CAP2: variants seen among roughly 807,000 people sequenced by gnomAD.
CAP2 encodes cyclase associated actin cytoskeleton regulatory protein 2.
A neutral mutation model predicts 57.7 loss-of-function variants in CAP2; 24 were observed. The ratio of observed to expected loss-of-function variants is 0.42; its 90% CI spans 0.30 to 0.58. The LOEUF (loss-of-function observed/expected upper bound fraction) is 0.58. Ranked by LOEUF, CAP2 falls within the 20% of genes least tolerant of loss-of-function variation. The pLI, the probability that CAP2 is intolerant of heterozygous loss-of-function variation, is 0.22. For synonymous variants in CAP2, 194 were observed against 207.2 expected (o/e 0.94, Z 0.55); for missense variants, 501 against 590.3 (o/e 0.85, Z 1.57).
At chr6:17,550,074 G>A (rs917849304) in intron 11 of CAP2, among the ~76,000 whole-genome samples, 2 of 152,098 alleles carry the variant, frequency 1.3e-5, no homozygotes, top group Admixed American at 1.3e-4. Context: ...TCGTATAGCA[G>A]CTAAAATGAA....
intron 1 of CAP2, among the ~76,000 whole-genome samples, chr6:17,412,514 C>A (rs1043019440): frequency 6.6e-6 from 1 of 152,146 alleles, no homozygotes; most frequent in African/African-American, 2.4e-5. Flanking sequence ...AATTAAGATT[C>A]TCTAATCCCC....
rs189151595 is a variant in CAP2, at chr6:17,422,735, T to C, written c.121+1059T>C. Among the ~76,000 whole-genome samples, 219 of 152,310 alleles carry C rather than the reference T, an allele frequency of 1.4e-3. 1 individual carries two copies. The highest frequency in any genetic ancestry group is 4.9e-3 in the African/African-American group (205 of 41,568). ...TCATCAAAAATAAAAAGTTGGCTAC[T>C]TCCCAAAAAGGGTACCACATATGGC... On this transcript the variant is annotated intron_variant, in intron 2 of 12. Transcript: ENST00000229922.
intron 1 of CAP2, among the ~76,000 whole-genome samples, chr6:17,420,558 G>A (rs1356651522): frequency 6.6e-6 from 1 of 152,150 alleles, no homozygotes; most frequent in African/African-American, 2.4e-5. Flanking sequence ...TTATCGGTAG[G>A]TTTAGTCTCC....
chr6:17,552,629 CACAAACAA>C (rs903206823), intron 12 of CAP2, among the ~76,000 whole-genome samples: 12 of 152,238 alleles, frequency 7.9e-5, no homozygotes, highest in African/African-American at 2.9e-4. Flanking sequence ...GAGACTCAGT[CACAAACAA>C]ACAAACAAAC....
In CAP2 at chr6:17,462,338, G is replaced by A. The variant is rs555876979; in HGVS notation, c.223-658G>A. ...GAATGTGGGCACAGTGTGAAAGAGG[G>A]TAAGAGAGAGACAGGCTTTGAAAAC... On this transcript the variant is annotated intron_variant, in intron 3 of 12. Coordinates refer to ENST00000229922, the MANE Select transcript of CAP2 (RefSeq NM_006366.3). 3.3e-5 allele frequency among the ~76,000 whole-genome samples: 5 copies of A among 152,300 alleles called. No homozygotes were observed. The South Asian group carries it at 1.0e-3, about 32-fold the overall frequency.
At chr6:17,404,763 T>C (rs1581488976) in intron 1 of CAP2, among the ~76,000 whole-genome samples, 2 of 128,682 alleles carry the variant, frequency 1.6e-5, no homozygotes, top group East Asian at 4.6e-4. Flanking sequence ...AGTGTGAGAC[T>C]CCATCTCAAA....
At chr6:17,417,673 A>T (rs1437112359) in intron 1 of CAP2, among the ~76,000 whole-genome samples, 1 of 152,134 alleles carries the variant, frequency 6.6e-6, no homozygotes, top group Non-Finnish European at 1.5e-5. Context: ...GTTTGTGTAT[A>T]TCCTTTGACC....
At chr6:17,412,386 A>T (rs995106013) in intron 1 of CAP2, among the ~76,000 whole-genome samples, 1 of 152,204 alleles carries the variant, frequency 6.6e-6, no homozygotes, top group Non-Finnish European at 1.5e-5. Flanking sequence ...GGAAGAAGGA[A>T]TGAGTTCGTA....
intron 12 of CAP2, among the ~76,000 whole-genome samples, chr6:17,553,709 A>G (rs1763226679): frequency 6.6e-6 from 1 of 151,470 alleles, no homozygotes; most frequent in Admixed American, 6.6e-5. Context: ...TCTCGGTTGG[A>G]GCTGGTAGGG....
intron 4 of CAP2, among the ~76,000 whole-genome samples, chr6:17,464,359 C>A (rs2113599765): frequency 6.6e-6 from 1 of 152,270 alleles, no homozygotes; most frequent in African/African-American, 2.4e-5. Context: ...AATTATGAAA[C>A]AAACTCCTGA....
chr6:17,477,163 C>G (rs762577662), intron 4 of CAP2, among the ~76,000 whole-genome samples: 2 of 152,112 alleles, frequency 1.3e-5, no homozygotes, highest in Non-Finnish European at 2.9e-5. Flanking sequence ...CGTGAGCCAC[C>G]GTGCCCGGCC....
intron 7 of CAP2, 115 bp downstream of exon 7, chr6:17,514,069 T>C (rs1762215969): frequency 1.4e-6 from 1 of 731,418 alleles, no homozygotes; most frequent in East Asian, 2.7e-5. Flanking sequence ...TAAGATTAAA[T>C]GTCCATGTGG....
intron 7 of CAP2, among the ~76,000 whole-genome samples, chr6:17,524,074 CAAAA>C (rs10523029): frequency 8.4e-5 from 10 of 118,954 alleles, no homozygotes; most frequent in African/African-American, 1.9e-4. Context: ...GACTCTGTCT[CAAAA>C]AAAAAAAAAA....
At chr6:17,531,355 G>A (rs938425293) in intron 7 of CAP2, 45 of 1,533,972 alleles carry the variant, frequency 2.9e-5, no homozygotes, top group Non-Finnish European at 2.6e-5. Context: ...TGATACCTCT[G>A]ATCCTGATGA....
chr6:17,454,976 G>A (rs756518091), intron 3 of CAP2, among the ~76,000 whole-genome samples: 175 of 152,140 alleles, frequency 1.2e-3, no homozygotes, highest in Non-Finnish European at 1.8e-3. Flanking sequence ...GATGGTATGA[G>A]TGCATGGTTT....
chr6:17,509,740 T>TA (rs899949537), intron 6 of CAP2, among the ~76,000 whole-genome samples: 22 of 151,628 alleles, frequency 1.5e-4, no homozygotes, highest in Admixed American at 1.4e-3. Context: ...ACTGAAAACA[T>TA]ATGTTCACCC....
Position 17,541,096 on chromosome 6 carries a change from C to G in CAP2, c.950C>G (p.Pro317Arg). ...AGTCCCACATCTCCTAAATCTTATC[C>G]TTCTCAAAAACATGCCCCAGTGTTG... ...TPSPTSPKSY[P>R]SQKHAPVLEL... Residue 317 changes from proline (P) to arginine (R), a missense_variant, in exon 9 of 13, where the codon CCT (proline) becomes CGT (arginine). Coordinates refer to ENST00000229922, the MANE Select transcript of CAP2 (RefSeq NM_006366.3). 1.2e-6 allele frequency: 2 copies of G among 1,614,076 alleles called. No individual in the cohort carries two copies. Among genetic ancestry groups the G allele is most frequent in the Non-Finnish European group, 1.7e-6 (2 of 1,179,964 alleles).
intron 1 of CAP2, among the ~76,000 whole-genome samples, chr6:17,419,067 T>G (rs1293453719): frequency 6.6e-6 from 1 of 152,148 alleles, no homozygotes; most frequent in Non-Finnish European, 1.5e-5. Context: ...AAATAGACAG[T>G]AAACTCCGCC....
Position 17,513,396 on chromosome 6 carries a change from CAGAATTATT to C in CAP2, c.531-448_531-440del, listed in dbSNP as rs1762202295. On this transcript the variant is annotated intron_variant, in intron 6 of 12. Coordinates refer to ENST00000229922, the MANE Select transcript of CAP2 (RefSeq NM_006366.3). This position sits in a 1 kb window ranked among gnomAD's most constrained non-coding sequence, Gnocchi z 4.3. ...TTATACTTTTAACCAAATAATTCAA[CAGAATTATT>C]AGAAAATGAACCCAATGACTTTTTT... 6.6e-6 allele frequency among the ~76,000 whole-genome samples: 1 copy of C among 152,172 alleles called. No individual in the cohort carries two copies. The highest frequency in any genetic ancestry group is 6.5e-5 in the Admixed American group (1 of 15,274).
Sources: gnomAD v4.1 joint callset for allele counts (sites outside exome capture counted in the v4.1 genomes callset) on GRCh38, gnomAD v4.1.1 for gene constraint, Gnocchi (gnomAD v3.1) non-coding constraint, MANE v1.5 for transcripts, NCBI Gene and HGNC (gene_info 2026-07-23, HGNC 2026-07-21) for gene names.